Variants in KCNAB2 observed in about 807,000 individuals in gnomAD.
The protein encoded by KCNAB2 is voltage-gated potassium channel subunit beta-2.
In KCNAB2, 29 loss-of-function variants were observed where a neutral mutation model predicts 63.6. The observed-to-expected ratio is 0.46, with a 90% CI of 0.34 to 0.62. KCNAB2 has a LOEUF of 0.62. KCNAB2 is among the 20% of genes least tolerant of loss of function. The probability of loss-of-function intolerance (pLI) is 0.01; values close to 1 mark genes in which losing one functional copy is unlikely to be tolerated. For missense variants in KCNAB2, 359 were observed against 563.9 expected, an observed-to-expected ratio of 0.64 and a Z score of 3.68; for synonymous variants, 222 against 224.2, an observed-to-expected ratio of 0.99 and a Z score of 0.09.
At chr1:6,098,232 C>T in intron 15 of KCNAB2, 1 of 1,244,520 alleles carries the variant, frequency 8.0e-7, no homozygotes. Flanking sequence ...GCTGCCACCA[C>T]CCTTCAGGAA....
chr1:6,090,457 C>G lies in KCNAB2; in HGVS notation c.583C>G (p.Pro195Ala), dbSNP rs781756988. The change falls in exon 9 of 16, where the codon CCC becomes GCC. Residue 195 changes from proline (P) to alanine (A), a missense_variant. By Grantham distance (27) the Pro-to-Ala change is conservative. Around this residue, in one of 2 missense-constraint regions of KCNAB2, gnomAD observed 271 missense variants for 476.1 expected, o/e 0.57. Coordinates refer to ENST00000378083, the MANE Select transcript of KCNAB2 (RefSeq NM_001199862.2). ...VDVVFANRPD[P>A]NTPMEGDPFS... ...TGTGGTGTTTGCCAACCGCCCGGAC[C>G]CCAACACCCCGATGGAAGGTAGGTG... 1.2e-6 allele frequency: 2 copies of G among 1,613,654 alleles called. No individual in the cohort carries two copies. Among genetic ancestry groups the G allele is most frequent in the Non-Finnish European group, 1.7e-6 (2 of 1,179,792 alleles).
chr1:6,042,843 A>ACCC (rs1157271557), upstream of KCNAB2, among the ~76,000 whole-genome samples: 209 of 29,014 alleles, frequency 7.2e-3, 2 homozygotes, highest in South Asian at 0.045. Flanking sequence ...CCCACTCCCC[A>ACCC]CCCCCCCCCC....
intron 2 of KCNAB2, among the ~76,000 whole-genome samples, chr1:6,064,133 C>T (rs1018066447): frequency 1.3e-5 from 2 of 152,204 alleles, no homozygotes; most frequent in Admixed American, 6.5e-5. Flanking sequence ...AGGATTTCTG[C>T]GTCTCACTAG....
chr1:6,038,371 G>C (rs941671316), intron 1 of KCNAB2, among the ~76,000 whole-genome samples: 2 of 151,950 alleles, frequency 1.3e-5, no homozygotes, highest in African/African-American at 4.8e-5. Flanking sequence ...GCACTCTGCA[G>C]CCTCAATCTC....
At chr1:6,033,316 T>G (rs1222192327), upstream of KCNAB2, among the ~76,000 whole-genome samples, 1 of 150,708 alleles carries the variant, frequency 6.6e-6, no homozygotes, top group Non-Finnish European at 1.5e-5. Flanking sequence ...TGTGTGTGCA[T>G]TGCATGTGTG....
At chr1:6,085,470 A>G (rs1380748747) in intron 6 of KCNAB2, among the ~76,000 whole-genome samples, 3 of 152,138 alleles carry the variant, frequency 2.0e-5, no homozygotes, top group Non-Finnish European at 4.4e-5. Context: ...CCCCCACCCT[A>G]GCCTGCCCAC....
upstream of KCNAB2, among the ~76,000 whole-genome samples, chr1:6,043,267 C>T (rs1660652528): frequency 6.6e-6 from 1 of 151,108 alleles, no homozygotes; most frequent in Admixed American, 6.6e-5. Flanking sequence ...GCAGACCTGC[C>T]AGCTCAAAAG....
intron 1 of KCNAB2, among the ~76,000 whole-genome samples, chr1:6,050,246 C>A (rs1367038407): frequency 6.6e-6 from 1 of 152,228 alleles, no homozygotes; most frequent in Non-Finnish European, 1.5e-5. Flanking sequence ...TTCCAGGATC[C>A]CACTGTGCAG....
intron 4 of KCNAB2, among the ~76,000 whole-genome samples, chr1:6,076,351 C>T (rs948503088): frequency 3.3e-5 from 5 of 152,180 alleles, no homozygotes; most frequent in African/African-American, 1.2e-4. Context: ...TCAAACTATG[C>T]TAGGAACCCT....
At chr1:6,041,641 C>G (rs1023854590), upstream of KCNAB2, 2 of 589,764 alleles carry the variant, frequency 3.4e-6, no homozygotes, top group Admixed American at 2.9e-5. Flanking sequence ...CCGGGTGGCG[C>G]TGCTGCAGAG....
chr1:6,036,409 A>G (rs1219315562), intron 1 of KCNAB2, among the ~76,000 whole-genome samples: 4 of 152,288 alleles, frequency 2.6e-5, no homozygotes, highest in African/African-American at 7.2e-5. Context: ...AGGCTGGGGC[A>G]TGAGAATCGC....
chr1:6,021,706 CTGAGTGTGTAGTTCAGTGGTA>C (rs1266063067), intron 1 of KCNAB2, among the ~76,000 whole-genome samples: 8 of 131,252 alleles, frequency 6.1e-5, no homozygotes, highest in African/African-American at 2.1e-4. Flanking sequence ...TTCAGTGGTA[CTGAGTGTGTAGTTCAGTGGTA>C]TGAGTGTGTA....
chr1:6,073,947 G>T lies in KCNAB2; in HGVS notation c.300+177G>T. ...CAGGGGAGAGTAGAAAGGTGAGCCA[G>T]GTGGCCATGGCCAGAGGGGATGCCG... On this transcript the variant is annotated intron_variant, in intron 4 of 15. Transcript: ENST00000378083. This position sits in a 1 kb window ranked among gnomAD's most constrained non-coding sequence, Gnocchi z 5.7. 2 of 637,312 alleles carry T rather than the reference G, an allele frequency of 3.1e-6. No individual in the cohort carries two copies. The highest frequency in any genetic ancestry group is 5.6e-6 in the Non-Finnish European group (2 of 360,346). 39.5% of individuals were successfully genotyped at this position (637,312 alleles called of 1,614,324 possible).
chr1:6,059,517 C>G (rs1198643104), intron 2 of KCNAB2, among the ~76,000 whole-genome samples: 1 of 152,198 alleles, frequency 6.6e-6, no homozygotes, highest in African/African-American at 2.4e-5. Flanking sequence ...GATCCCCAGG[C>G]CCCTTCCTGG....
chr1:6,030,028 C>T (rs1457204590), upstream of KCNAB2, among the ~76,000 whole-genome samples: 2 of 152,208 alleles, frequency 1.3e-5, no homozygotes, highest in Non-Finnish European at 1.5e-5. Flanking sequence ...AATAAAGAGA[C>T]AGATAATGTC....
At chr1:6,064,020 CT>C (rs1487475633) in intron 2 of KCNAB2, among the ~76,000 whole-genome samples, 1 of 152,208 alleles carries the variant, frequency 6.6e-6, no homozygotes, top group Non-Finnish European at 1.5e-5. Context: ...AAGAACACCC[CT>C]GGGGAAGAGT....
intron 1 of KCNAB2, among the ~76,000 whole-genome samples, chr1:6,001,017 G>T (rs559480406): frequency 6.6e-6 from 1 of 152,314 alleles, no homozygotes; most frequent in East Asian, 1.9e-4. Context: ...GATGGCTGTG[G>T]CCTCACAGGC....
rs978899141 is a variant in KCNAB2 at position 6,100,333 on chromosome 1, C to G, written c.*1759C>G. On this transcript the variant is annotated 3_prime_UTR_variant, in exon 16 of 16. Coordinates refer to ENST00000378083, the MANE Select transcript of KCNAB2 (RefSeq NM_001199862.2). ...AAGTCCCGGGGGTCTCCACTCAGTC[C>G]TGCTGCCTGCTTCACCAGAAGCAGC... The G allele has an allele frequency of 6.8e-5, 21 of 307,062 alleles. No homozygotes were observed. The Admixed American group carries it at 9.3e-4, about 14-fold the overall frequency. The allele number at this position is 307,062 out of a possible 1,614,324, so 19.0% of individuals were successfully genotyped here.
chr1:6,006,732 CACATTCCCCT>C (rs1657814756), intron 1 of KCNAB2, among the ~76,000 whole-genome samples: 1 of 140,752 alleles, frequency 7.1e-6, no homozygotes, highest in African/African-American at 2.7e-5. Flanking sequence ...GCTCAGCTCC[CACATTCCCCT>C]ACTCCACCCT....
Sources: allele counts gnomAD v4.1 joint callset (sites outside exome capture counted in the v4.1 genomes callset), GRCh38; gene constraint gnomAD v4.1.1; regional missense constraint gnomAD v4.1.1; non-coding constraint Gnocchi (gnomAD v3.1); transcripts MANE v1.5; gene names NCBI Gene and HGNC (gene_info 2026-07-23, HGNC 2026-07-21).